Variants in ZNF536 observed in about 807,000 individuals in gnomAD.
The protein encoded by ZNF536 is zinc finger protein 536.
Under a neutral mutation model 84.5 loss-of-function variants are expected in ZNF536, and 13 were observed. The observed-to-expected ratio is 0.15, with a 90% CI of 0.10 to 0.24. The LOEUF (loss-of-function observed/expected upper bound fraction) is 0.24. ZNF536 is among the 10% of genes least tolerant of loss of function. The probability of loss-of-function intolerance (pLI) is 1.00; values close to 1 mark genes in which losing one functional copy is unlikely to be tolerated. For synonymous variants in ZNF536, 811 were observed against 742.5 expected (o/e 1.09, Z -1.50); for missense variants, 1,536 against 1,747.5 (o/e 0.88, Z 2.16).
intron 1 of ZNF536, among the ~76,000 whole-genome samples, chr19:30,398,314 A>C (rs2049904432): frequency 6.6e-6 from 1 of 151,238 alleles, no homozygotes; most frequent in Non-Finnish European, 1.5e-5. Context: ...CATCTGTTTA[A>C]TTTTCTCAAT....
chr19:30,592,972 A>G (rs2047326089), intron 1 of ZNF536, among the ~76,000 whole-genome samples: 1 of 152,250 alleles, frequency 6.6e-6, no homozygotes, highest in Non-Finnish European at 1.5e-5. Context: ...TTTAGAAGCC[A>G]TCATCAAGTC....
At chr19:30,295,694 T>G (rs1440426116) in intron 2 of ZNF536, among the ~76,000 whole-genome samples, 1 of 152,134 alleles carries the variant, frequency 6.6e-6, no homozygotes, top group Non-Finnish European at 1.5e-5. Flanking sequence ...TGCACATCTG[T>G]TTTACACAGT....
intron 2 of ZNF536, among the ~76,000 whole-genome samples, chr19:30,512,316 T>G (rs987498212): frequency 2.6e-5 from 4 of 152,214 alleles, no homozygotes; most frequent in African/African-American, 9.7e-5. Context: ...TTTCCTTAAT[T>G]GACTTGGAAA....
At chr19:30,421,774 C>T (rs962202451) in intron 1 of ZNF536, among the ~76,000 whole-genome samples, 1 of 152,200 alleles carries the variant, frequency 6.6e-6, no homozygotes, top group Non-Finnish European at 1.5e-5. Flanking sequence ...CCCCTTCCAG[C>T]CCCCAGTGTG....
At chr19:30,484,125 A>G (rs552348207) in intron 2 of ZNF536, among the ~76,000 whole-genome samples, 4 of 151,078 alleles carry the variant, frequency 2.6e-5, no homozygotes, top group Admixed American at 6.6e-5. Context: ...ACTCCCTCCT[A>G]CGCCTGACCA....
chr19:30,236,533 G>GA (rs145366891), intron 1 of ZNF536, among the ~76,000 whole-genome samples: 8,599 of 151,506 alleles, frequency 0.057, 368 homozygotes, highest in East Asian at 0.19. Flanking sequence ...TTGGGGCGGG[G>GA]GGGGGGTACA....
At chr19:30,395,989 C>A (rs1257989835) in intron 1 of ZNF536, among the ~76,000 whole-genome samples, 2 of 152,136 alleles carry the variant, frequency 1.3e-5, no homozygotes, top group African/African-American at 4.8e-5. Flanking sequence ...TCAATATCAC[C>A]CGAAGTCCAT....
rs141007523 is a variant in ZNF536, at chr19:30,299,121, C to G, written c.-120+14980C>G. ...AAGAATCATTTGTATTTATTGAAATCACTGATTTTAATCACCTTGGATGCT... is the reference window on the plus strand; with the variant it reads ...AAGAATCATTTGTATTTATTGAAATGACTGATTTTAATCACCTTGGATGCT... On this transcript the variant is annotated intron_variant, in intron 2 of 5. Coordinates refer to the ZNF536 transcript ENST00000585628. 5.0e-3 allele frequency among the ~76,000 whole-genome samples: 767 copies of G among 152,316 alleles called. 3 individuals are homozygous for G. Among genetic ancestry groups the G allele is most frequent in the South Asian group, 0.027 (129 of 4,818 alleles).
intron 1 of ZNF536, among the ~76,000 whole-genome samples, chr19:30,268,824 G>A (rs1051316439): frequency 4.6e-5 from 7 of 152,230 alleles, no homozygotes; most frequent in East Asian, 1.9e-4. Context: ...TCTGCAAGCC[G>A]GAACTCCCCA....
At chr19:30,352,590 T>A (rs946067158) in intron 3 of ZNF536, 8 of 152,122 alleles carry the variant, frequency 5.3e-5, no homozygotes, top group African/African-American at 1.9e-4. Context: ...AGCTCCTCTG[T>A]CTCCTGCCCC....
chr19:30,429,926 G>A (rs1276078369), intron 1 of ZNF536, among the ~76,000 whole-genome samples: 1 of 152,116 alleles, frequency 6.6e-6, no homozygotes, highest in Non-Finnish European at 1.5e-5. Context: ...CAAAGCATTG[G>A]GTTTCAGTCA....
intron 3 of ZNF536, among the ~76,000 whole-genome samples, chr19:30,354,453 G>A (rs908663565): frequency 7.9e-5 from 12 of 152,178 alleles, no homozygotes; most frequent in African/African-American, 2.9e-4. Flanking sequence ...CTGCAGCCTT[G>A]ACCTCCTGGG....
chr19:30,418,990 A>G (rs1441656115), intron 1 of ZNF536, among the ~76,000 whole-genome samples: 1 of 152,212 alleles, frequency 6.6e-6, no homozygotes, highest in Non-Finnish European at 1.5e-5. Flanking sequence ...TAGAGAAACG[A>G]TGCGTGTCCA....
intron 2 of ZNF536, among the ~76,000 whole-genome samples, chr19:30,480,794 G>T (rs559497961): frequency 6.6e-6 from 1 of 152,228 alleles, no homozygotes; most frequent in South Asian, 2.1e-4. Context: ...CCACCACTTT[G>T]GGAGGCCGAG....
At chr19:30,385,336 C>T (rs1485573061) in intron 1 of ZNF536, among the ~76,000 whole-genome samples, 1 of 152,118 alleles carries the variant, frequency 6.6e-6, no homozygotes, top group African/African-American at 2.4e-5. Flanking sequence ...GAAGCGGGAC[C>T]AGGGGCCACC....
chr19:30,290,353 C>T (rs1038275922), intron 2 of ZNF536, among the ~76,000 whole-genome samples: 3 of 152,176 alleles, frequency 2.0e-5, no homozygotes, highest in Non-Finnish European at 4.4e-5. Flanking sequence ...TCATAGCTCA[C>T]TGCAGCCTTG....
chr19:30,535,477 G>A (rs2045032123), intron 3 of ZNF536, among the ~76,000 whole-genome samples: 1 of 152,138 alleles, frequency 6.6e-6, no homozygotes, highest in Admixed American at 6.5e-5. Context: ...CTGGGACAGG[G>A]CAGCTGGAGT....
At chr19:30,459,348 T>C (rs368793089) in intron 2 of ZNF536, among the ~76,000 whole-genome samples, 1 of 150,478 alleles carries the variant, frequency 6.6e-6, no homozygotes, top group African/African-American at 2.5e-5. Flanking sequence ...CCTTCTTTCT[T>C]TCTCTCTTTT....
At position 30,234,970 on chromosome 19, in the gene ZNF536, C is replaced by T. The variant is rs1009171360; in HGVS notation, c.-190+6297C>T. ...TGCAAGTACCAGATCGTAGGACCCT[C>T]GGGAGGTGGTATTAATTCAGCAGAC... is the stretch of plus-strand genomic sequence containing the variant. On this transcript the variant is annotated intron_variant, in intron 1 of 5. Transcript: ENST00000585628. 7.2e-5 allele frequency among the ~76,000 whole-genome samples: 11 copies of T among 152,108 alleles called. No individual in the cohort carries two copies. In the East Asian group the frequency reaches 7.7e-4, roughly 11 times the overall value.
Sources: gnomAD v4.1 joint callset for allele counts (sites outside exome capture counted in the v4.1 genomes callset) on GRCh38, gnomAD v4.1.1 for gene constraint, MANE v1.5 for transcripts, NCBI Gene and HGNC (gene_info 2026-07-23, HGNC 2026-07-21) for gene names.